The following IGFBPL1 variants were observed in gnomAD, a reference collection of about 807,000 sequenced individuals.
IGFBPL1 encodes the protein insulin like growth factor binding protein like 1.
Under a neutral mutation model 23.9 loss-of-function variants are expected in IGFBPL1, and 20 were observed. The ratio of observed to expected loss-of-function variants is 0.84; its 90% CI spans 0.59 to 1.22. The LOEUF (loss-of-function observed/expected upper bound fraction) is 1.22, where lower values mean the gene tolerates loss of function less well. Ranked by LOEUF, IGFBPL1 falls within the 50% of genes most tolerant of loss-of-function variation. The pLI, the probability that IGFBPL1 is intolerant of heterozygous loss-of-function variation, is 0.00. For missense variants in IGFBPL1, 436 were observed against 379.3 expected (o/e 1.15, Z -1.24); for synonymous variants, 184 against 171.8 (o/e 1.07, Z -0.56).
chr9:38,419,937 C>T (rs1206539561), intron 1 of IGFBPL1, among the ~76,000 whole-genome samples: 3 of 151,098 alleles, frequency 2.0e-5, no homozygotes, highest in Admixed American at 6.6e-5. Context: ...GTCTCCTAGG[C>T]GGAGTACAGT....
At chr9:38,412,512 G>A (rs1273058107) in intron 3 of IGFBPL1, among the ~76,000 whole-genome samples, 1 of 152,222 alleles carries the variant, frequency 6.6e-6, no homozygotes, top group East Asian at 1.9e-4. Context: ...GAGCTCTGGA[G>A]GAGGACTCGA....
chr9:38,421,004 G>A (rs1351902209), intron 1 of IGFBPL1, among the ~76,000 whole-genome samples: 2 of 152,066 alleles, frequency 1.3e-5, no homozygotes, highest in Non-Finnish European at 2.9e-5. Flanking sequence ...GTAAAAAGAT[G>A]GGTGCAGCCC....
At chr9:38,415,199 T>C (rs1213810048) in intron 1 of IGFBPL1, among the ~76,000 whole-genome samples, 1 of 152,210 alleles carries the variant, frequency 6.6e-6, no homozygotes, top group African/African-American at 2.4e-5. Context: ...TAATGTGATA[T>C]GCAAGTGAGG....
rs1821473878 is a variant in IGFBPL1, at chr9:38,409,129, C to G, written c.*98G>C. On this transcript the variant is annotated 3_prime_UTR_variant, in exon 5 of 5. Transcript: ENST00000377694. The stretch of plus-strand genomic sequence containing the variant: ...TTTAAAAACACACAAAAGGGGTCAT[C>G]TACACACACAGGTTTTCCAACTCTT... 6.6e-6 allele frequency: 1 copy of G among 152,206 alleles called. No individual in the cohort carries two copies. Among genetic ancestry groups the G allele is most frequent in the Non-Finnish European group, 1.5e-5 (1 of 68,036 alleles). 9.4% of individuals were successfully genotyped at this position (152,206 alleles called of 1,614,324 possible). A position where few individuals can be genotyped will look rare whatever the true frequency, so the allele number is the denominator to read the frequency against.
At position 38,413,281 on chromosome 9, in the gene IGFBPL1, C is replaced by G. The variant is rs1171460649; in HGVS notation, c.643G>C (p.Val215Leu). The change falls in exon 3 of 5, where the codon GTG becomes CTG. Residue 215 changes from valine (V) to leucine (L), a missense_variant. Transcript: ENST00000377694. ...PGDHVNIAVQVRGGPSDHEAT... is the reference protein window; with the variant it reads ...PGDHVNIAVQLRGGPSDHEAT... ...TCATGGTCAGAAGGGCCCCCTCGCA[C>G]TTGGACAGCTATATTGACATGGTCC... 1 of 1,614,148 alleles carries G rather than the reference C, an allele frequency of 6.2e-7. No homozygotes were observed. Among genetic ancestry groups the G allele is most frequent in the Non-Finnish European group, 8.5e-7 (1 of 1,180,006 alleles).
intron 1 of IGFBPL1, among the ~76,000 whole-genome samples, chr9:38,421,925 A>G (rs1238593866): frequency 6.6e-6 from 1 of 152,230 alleles, no homozygotes; most frequent in African/African-American, 2.4e-5. Context: ...TGAGATCATG[A>G]AAACCAGTTC....
At chr9:38,410,437 C>G (rs142750275) in intron 4 of IGFBPL1, among the ~76,000 whole-genome samples, 3,159 of 149,494 alleles carry the variant, frequency 0.021, 46 homozygotes, top group Middle Eastern at 0.062. Context: ...GAGCCGAGAT[C>G]GCACCACTGC....
At chr9:38,419,799 A>T (rs955538583) in intron 1 of IGFBPL1, among the ~76,000 whole-genome samples, 2 of 152,046 alleles carry the variant, frequency 1.3e-5, no homozygotes, top group African/African-American at 2.4e-5. Context: ...TCGAAGACCC[A>T]CGTATGAATA....
Position 38,407,931 on chromosome 9 carries a change from T to A in IGFBPL1, c.*1296A>T, listed in dbSNP as rs1821451469. Among the ~76,000 whole-genome samples, 1 of 147,110 alleles carries A rather than the reference T, an allele frequency of 6.8e-6. No homozygotes were observed. The highest frequency in any genetic ancestry group is 2.5e-5 in the African/African-American group (1 of 40,236). ...TTTTTTAAGATAAGATAGCAAATAT[T>A]CTCCTTTCTTTTTTCATTAAAAAAG... On this transcript the variant is annotated 3_prime_UTR_variant, in exon 5 of 5. Transcript: ENST00000377694.
At chr9:38,423,791 G>T (rs1677647823) in intron 1 of IGFBPL1, among the ~76,000 whole-genome samples, 174 bp downstream of exon 1, 1 of 152,200 alleles carries the variant, frequency 6.6e-6, no homozygotes, top group Non-Finnish European at 1.5e-5. Flanking sequence ...CGTCTCCAAG[G>T]ATTCTCGCCC....
chr9:38,420,134 T>C (rs1160818857), intron 1 of IGFBPL1, among the ~76,000 whole-genome samples: 1 of 152,160 alleles, frequency 6.6e-6, no homozygotes, highest in Non-Finnish European at 1.5e-5. Flanking sequence ...CAAGCAATCC[T>C]TCCACCTCAG....
In IGFBPL1 at chr9:38,408,573, G is replaced by A. The variant is rs905327029; in HGVS notation, c.*654C>T. 6.6e-6 allele frequency among the ~76,000 whole-genome samples: 1 copy of A among 152,194 alleles called. No homozygotes were observed. The highest frequency in any genetic ancestry group is 2.4e-5 in the African/African-American group (1 of 41,446). On this transcript the variant is annotated 3_prime_UTR_variant, in exon 5 of 5. Transcript: ENST00000377694. ...AAGGGAAAAAGTTAGGAATAGAAGA[G>A]CTACAGCCAGCTGTCCACACGTTGG...
At chr9:38,420,292 A>C (rs2118323398) in intron 1 of IGFBPL1, among the ~76,000 whole-genome samples, 1 of 152,186 alleles carries the variant, frequency 6.6e-6, no homozygotes, top group South Asian at 2.1e-4. Context: ...CACCCACCAA[A>C]GGGCTCCCAC....
intron 2 of IGFBPL1, 63 bp downstream of exon 2, chr9:38,414,031 T>TCACACACACA (rs1491232049): frequency 3.8e-5 from 29 of 762,440 alleles, no homozygotes; most frequent in Non-Finnish European, 5.7e-5. Context: ...TCTCCCTCTT[T>TCACACACACA]CTCACACACA....
Position 38,424,136 on chromosome 9 carries a change from C to T in IGFBPL1, c.289G>A (p.Gly97Arg). Residue 97 changes from glycine to arginine, a missense_variant, in exon 1 of 5, where the codon GGG becomes AGG. Transcript: ENST00000377694. The part of the protein sequence containing the change: ...PGLVCASQAA[G>R]AAPEGTGLCV... ...AGCCCGGTGCCCTCGGGCGCTGCCC[C>T]AGCGGCCTGGCTCGCGCATACCAGG... 2 of 1,247,560 alleles carry T rather than the reference C, an allele frequency of 1.6e-6. No homozygotes were observed. The highest frequency in any genetic ancestry group is 2.0e-6 in the Non-Finnish European group (2 of 996,294). 77.3% of individuals were successfully genotyped at this position (1,247,560 alleles called of 1,614,324 possible).
chr9:38,418,762 A>G (rs773087920), intron 1 of IGFBPL1, among the ~76,000 whole-genome samples: 7 of 152,176 alleles, frequency 4.6e-5, no homozygotes, highest in Non-Finnish European at 1.0e-4. Context: ...TGTGCCAGCA[A>G]TAGCCCTAGA....
Position 38,413,272 on chromosome 9 carries a change from C to T in IGFBPL1, c.652G>A (p.Gly218Ser). 3 of 1,613,902 alleles carry T rather than the reference C, an allele frequency of 1.9e-6. No individual in the cohort carries two copies. The highest frequency in any genetic ancestry group is 1.6e-4 in the Middle Eastern group (1 of 6,062). Reference sequence around the variant, plus strand: ...GCCGTGGCCTCATGGTCAGAAGGGCCCCCTCGCACTTGGACAGCTATATTG... The same window carrying T: ...GCCGTGGCCTCATGGTCAGAAGGGCTCCCTCGCACTTGGACAGCTATATTG... ...HVNIAVQVRG[G>S]PSDHEATAWI... The change falls in exon 3 of 5, where the codon GGC (glycine) becomes AGC (serine). Residue 218 changes from glycine to serine, a missense_variant. Transcript: ENST00000377694.
At chr9:38,411,160 ACAT>A (rs1275050932) in intron 4 of IGFBPL1, among the ~76,000 whole-genome samples, 1 of 152,240 alleles carries the variant, frequency 6.6e-6, no homozygotes, top group African/African-American at 2.4e-5. Flanking sequence ...TCATGGACAC[ACAT>A]CATGTTCACA....
chr9:38,421,292 A>G (rs1023116962), intron 1 of IGFBPL1, among the ~76,000 whole-genome samples: 5 of 151,720 alleles, frequency 3.3e-5, no homozygotes, highest in Non-Finnish European at 5.9e-5. Context: ...CTCAAAAAAA[A>G]AAAAAAAAAA....
Sources: gnomAD v4.1 joint callset for allele counts (sites outside exome capture counted in the v4.1 genomes callset) on GRCh38, gnomAD v4.1.1 for gene constraint, MANE v1.5 for transcripts, NCBI Gene and HGNC (gene_info 2026-07-23, HGNC 2026-07-21) for gene names.